The following GPCPD1 variants were observed in gnomAD, a reference collection of about 807,000 sequenced individuals.
GPCPD1 encodes glycerophosphocholine phosphodiesterase GPCPD1.
GPCPD1 carries 29 observed loss-of-function variants against 89.2 expected under a neutral mutation model. The observed-to-expected ratio is 0.33, with a 90% CI of 0.24 to 0.44. The LOEUF (loss-of-function observed/expected upper bound fraction) is 0.44. GPCPD1 is among the 20% of genes least tolerant of loss of function. The pLI, the probability that GPCPD1 is intolerant of heterozygous loss-of-function variation, is 1.00. For synonymous variants in GPCPD1, 258 were observed against 266.3 expected (o/e 0.97, Z 0.30); for missense variants, 594 against 808.9 (o/e 0.73, Z 3.22).
intron 1 of GPCPD1, among the ~76,000 whole-genome samples, chr20:5,605,978 T>G (rs1296062635): frequency 1.3e-5 from 2 of 152,120 alleles, no homozygotes; most frequent in Non-Finnish European, 2.9e-5. Context: ...TATAGAAATC[T>G]GAACTCCATA....
chr20:5,549,369 G>C, intron 19 of GPCPD1: 1 of 1,198,406 alleles, frequency 8.3e-7, no homozygotes, highest in Non-Finnish European at 1.2e-6. Flanking sequence ...CATATAGAGA[G>C]GGTATACAAG....
chr20:5,559,400 AGAG>A (rs1985961456), intron 17 of GPCPD1, among the ~76,000 whole-genome samples: 1 of 152,168 alleles, frequency 6.6e-6, no homozygotes, highest in Admixed American at 6.6e-5. Flanking sequence ...AGCCTGTGAA[AGAG>A]GAGGAGACCT....
intron 6 of GPCPD1, 152 bp from the exon 7 acceptor site, chr20:5,580,283 G>C: frequency 2.1e-6 from 1 of 484,886 alleles, no homozygotes; most frequent in South Asian, 3.7e-5. Context: ...TCTAATCCAT[G>C]ATTTGTTTCC....
At chr20:5,582,089 G>T (rs1978549296) in intron 6 of GPCPD1, among the ~76,000 whole-genome samples, 1 of 146,106 alleles carries the variant, frequency 6.8e-6, no homozygotes, top group Non-Finnish European at 1.5e-5. Flanking sequence ...GGGAGGCTGA[G>T]GCAGGAGAAT....
chr20:5,582,217 A>C (rs943690338), intron 6 of GPCPD1, among the ~76,000 whole-genome samples: 10 of 144,748 alleles, frequency 6.9e-5, no homozygotes, highest in Admixed American at 6.9e-5. Context: ...AAAAAAAAAA[A>C]AACTACTACT....
chr20:5,561,542 T>A lies in GPCPD1; in HGVS notation c.1330-12A>T. 8.3e-6 allele frequency: 13 copies of A among 1,557,324 alleles called. No homozygotes were observed. The highest frequency in any genetic ancestry group is 1.1e-5 in the Non-Finnish European group (13 of 1,133,314). On this transcript the variant is annotated splice_polypyrimidine_tract_variant and intron_variant, in intron 15 of 19. Coordinates refer to ENST00000379019, the MANE Select transcript of GPCPD1 (RefSeq NM_019593.5). ...AAAGACTCTAAAACCTACAGTTTTG[T>A]TTGTTGGTAAATTTTGTTTTTGATG...
rs1195210987 is a variant in GPCPD1, at chr20:5,544,670, T to C, written c.*2991A>G. On this transcript the variant is annotated 3_prime_UTR_variant, in exon 20 of 20. Coordinates refer to ENST00000379019, the MANE Select transcript of GPCPD1 (RefSeq NM_019593.5). ...CAGAGTCACAAAACCCACATCCTAG[T>C]CCCAACCCAGTATATCAGTTAACCT... is the stretch of plus-strand genomic sequence containing the variant. The C allele has an allele frequency of 6.6e-6, 1 of 152,206 alleles. No individual in the cohort carries two copies. The highest frequency in any genetic ancestry group is 1.9e-4 in the East Asian group (1 of 5,194). 9.4% of individuals were successfully genotyped at this position (152,206 alleles called of 1,614,324 possible). A position where few individuals can be genotyped will look rare whatever the true frequency, so the allele number is the denominator to read the frequency against.
chr20:5,563,052 G>A (rs375896394), intron 15 of GPCPD1, among the ~76,000 whole-genome samples: 2 of 150,078 alleles, frequency 1.3e-5, no homozygotes, highest in Non-Finnish European at 3.0e-5. Flanking sequence ...GCGCGATCTC[G>A]GCTCACTGCA....
rs3215620 is a variant in GPCPD1, at chr20:5,561,553, ATT to A, written c.1330-25_1330-24del. On this transcript the variant is annotated intron_variant, in intron 15 of 19. Transcript: ENST00000379019. ...AACCTACAGTTTTGTTTGTTGGTAAATTTTGTTTTTGATGAGATGGATAGCAG... is the reference window on the plus strand; with the variant it reads ...AACCTACAGTTTTGTTTGTTGGTAAATTGTTTTTGATGAGATGGATAGCAG... The A allele has an allele frequency of 1.0e-3, 1,535 of 1,492,022 alleles. 47 individuals are homozygous for A. In the East Asian group the frequency reaches 0.032, roughly 31 times the overall value. 92.4% of individuals were successfully genotyped at this position (1,492,022 alleles called of 1,614,324 possible).
intron 19 of GPCPD1, among the ~76,000 whole-genome samples, chr20:5,553,360 C>T (rs1371787630): frequency 6.6e-6 from 1 of 152,160 alleles, no homozygotes; most frequent in Admixed American, 6.5e-5. Flanking sequence ...CCCTAACTTT[C>T]TACCTCTCCT....
intron 1 of GPCPD1, among the ~76,000 whole-genome samples, chr20:5,605,094 G>T (rs781622149): frequency 1.5e-4 from 23 of 152,160 alleles, no homozygotes; most frequent in Middle Eastern, 3.2e-3. Flanking sequence ...GAAGTATCTA[G>T]CAAGTTTGAA....
intron 2 of GPCPD1, among the ~76,000 whole-genome samples, chr20:5,603,701 A>T (rs770159205): frequency 6.6e-6 from 1 of 151,714 alleles, no homozygotes; most frequent in Non-Finnish European, 1.5e-5. Flanking sequence ...ACATATTCAC[A>T]CATAGGAACA....
chr20:5,564,222 G>A (rs1234587359), intron 15 of GPCPD1, among the ~76,000 whole-genome samples: 5 of 151,526 alleles, frequency 3.3e-5, no homozygotes, highest in Admixed American at 2.6e-4. Context: ...TTTTCAGAGT[G>A]AATTTCTGAA....
intron 18 of GPCPD1, 28 bp from the exon 19 acceptor site, chr20:5,558,133 G>A (rs1985881237): frequency 3.4e-6 from 5 of 1,460,606 alleles, no homozygotes; most frequent in East Asian, 4.6e-5. Flanking sequence ...AGTTGTGCAT[G>A]AAAAAGAAAC....
At chr20:5,565,218 C>A in intron 14 of GPCPD1, 140 bp from the exon 15 acceptor site, 1 of 574,764 alleles carries the variant, frequency 1.7e-6, no homozygotes, top group Non-Finnish European at 3.1e-6. Context: ...ATAAGTAACT[C>A]TGAGATCCCT....
chr20:5,579,885 G>A (rs1978339411), intron 7 of GPCPD1, 123 bp downstream of exon 7: 2 of 600,264 alleles, frequency 3.3e-6, no homozygotes, highest in Admixed American at 2.8e-5. Context: ...ACAAAGCCCT[G>A]TAGTTACTAG....
In GPCPD1 at chr20:5,569,122, C is replaced by T. The variant is rs1480582400; in HGVS notation, c.1149+1025G>A. Among the ~76,000 whole-genome samples the T allele has an allele frequency of 2.0e-5, 3 of 147,016 alleles. No individual in the cohort carries two copies. The Admixed American group carries it at 2.1e-4, about 10-fold the overall frequency. On this transcript the variant is annotated intron_variant, in intron 12 of 19. Coordinates refer to ENST00000379019, the MANE Select transcript of GPCPD1 (RefSeq NM_019593.5). The stretch of plus-strand genomic sequence containing the variant: ...TTCCTCCCCTCCCCTCCCCTTCCTT[C>T]CTTTCTTCCTTCTTTCTCCTAATAC...
At chr20:5,601,658 C>T (rs1402311516) in intron 2 of GPCPD1, among the ~76,000 whole-genome samples, 2 of 152,040 alleles carry the variant, frequency 1.3e-5, no homozygotes, top group African/African-American at 2.4e-5. Context: ...CATGAGCCAC[C>T]ATGCCCAGCC....
chr20:5,582,743 G>T (rs1407571318), intron 6 of GPCPD1, among the ~76,000 whole-genome samples: 1 of 151,816 alleles, frequency 6.6e-6, no homozygotes, highest in Non-Finnish European at 1.5e-5. Flanking sequence ...ACAAAAATTA[G>T]CCAGGCGTGA....
Sources: allele counts gnomAD v4.1 joint callset (sites outside exome capture counted in the v4.1 genomes callset), GRCh38; gene constraint gnomAD v4.1.1; transcripts MANE v1.5; gene names NCBI Gene and HGNC (gene_info 2026-07-23, HGNC 2026-07-21).